The following NMD3 variants were observed in gnomAD, a reference collection of about 807,000 sequenced individuals.
NMD3 encodes the protein NMD3 ribosome export adaptor, also known as 60S ribosomal export protein NMD3.
A neutral mutation model predicts 73.1 loss-of-function variants in NMD3; 47 were observed. The observed-to-expected ratio is 0.64, with a 90% confidence interval of 0.51 to 0.82. The LOEUF (loss-of-function observed/expected upper bound fraction) is 0.82. Among genes scored for constraint, NMD3 ranks in the 40% least tolerant of loss-of-function variants. NMD3 has a pLI of 0.00. For synonymous variants in NMD3, 210 were observed against 194.5 expected, an observed-to-expected ratio of 1.08 and a Z score of -0.66; for missense variants, 554 against 612.5, an observed-to-expected ratio of 0.90 and a Z score of 1.01.
At chr3:161,238,897 G>A in intron 9 of NMD3, 71 bp downstream of exon 9, 1 of 719,232 alleles carries the variant, frequency 1.4e-6, no homozygotes, top group Non-Finnish European at 2.3e-6. Context: ...TATGTAATTT[G>A]TAGCTCCTGG....
In NMD3 at chr3:161,251,986, A is replaced by T. The variant is rs1426191847; in HGVS notation, c.*1076A>T. 1.3e-5 allele frequency: 2 copies of T among 152,224 alleles called. No individual in the cohort carries two copies. Among genetic ancestry groups the T allele is most frequent in the Non-Finnish European group, 2.9e-5 (2 of 68,036 alleles). The allele number at this position is 152,224 out of a possible 1,614,324, so 9.4% of individuals were successfully genotyped here. On this transcript the variant is annotated 3_prime_UTR_variant, in exon 16 of 16. Transcript: ENST00000351193. Reference sequence around the variant, plus strand: ...TTCATTCATTCCATGTGTGCCACTAAATAAAGAGATTGAGCAAGTGCCACT... The same window carrying T: ...TTCATTCATTCCATGTGTGCCACTATATAAAGAGATTGAGCAAGTGCCACT...
At chr3:161,227,437 A>ATTTTTTTTTTTTTTTTTTTTTTTTTT (rs55825529) in intron 4 of NMD3, 94 bp downstream of exon 4, 2 of 324,472 alleles carry the variant, frequency 6.2e-6, no homozygotes, top group Non-Finnish European at 5.4e-6. Context: ...TTCAAAAGGA[A>ATTTTTTTTTTTTTTTTTTTTTTTTTT]TTTTTTTTTT....
In NMD3 at chr3:161,250,791, C is replaced by T; in HGVS notation, c.1393C>T (p.Pro465Ser). 6.2e-7 allele frequency: 1 copy of T among 1,606,056 alleles called. No individual in the cohort carries two copies. The highest frequency in any genetic ancestry group is 8.5e-7 in the Non-Finnish European group (1 of 1,173,926). The change falls in exon 16 of 16, where the codon CCT becomes TCT. Residue 465 changes from proline to serine, a missense_variant. Transcript: ENST00000351193. ...TTGTATTTTTTTAGATTCAGCCATC[C>T]CTGTGGAAAGTGACACCGATGATGA... Reference protein sequence around the residue: ...NVNIYRDSAIPVESDTDDEGA... With the variant: ...NVNIYRDSAISVESDTDDEGA...
intron 1 of NMD3, 31 bp from the exon 2 acceptor site, chr3:161,221,956 CTCTTTTT>C: frequency 1.9e-6 from 2 of 1,029,932 alleles, no homozygotes; most frequent in South Asian, 1.5e-5. Flanking sequence ...TCCCAACATT[CTCTTTTT>C]TTTTTTTTTT....
At chr3:161,246,244 A>G (rs1470084484) in intron 11 of NMD3, 92 bp from the exon 12 acceptor site, 3 of 488,240 alleles carry the variant, frequency 6.1e-6, no homozygotes, top group African/African-American at 5.9e-5. Flanking sequence ...AAAATTAGAA[A>G]ACCAAAAATC....
chr3:161,250,890 G>C lies in NMD3; in HGVS notation c.1492G>C (p.Gly498Arg), dbSNP rs768990062. The change falls in exon 16 of 16, where the codon GGT becomes CGT. Residue 498 changes from glycine to arginine, a missense_variant. By Grantham distance (125) the Gly-to-Arg change is moderately radical. Coordinates refer to ENST00000351193, the MANE Select transcript of NMD3 (RefSeq NM_015938.5). ...HISQDATGEE[G>R]ASMLT Reference sequence around the variant, plus strand: ...TTCCCAAGATGCCACTGGTGAAGAAGGTGCATCAATGCTGACATAATGAGA... The same window carrying C: ...TTCCCAAGATGCCACTGGTGAAGAACGTGCATCAATGCTGACATAATGAGA... 4.3e-6 allele frequency: 7 copies of C among 1,612,174 alleles called. No individual in the cohort carries two copies. In the South Asian group the frequency reaches 7.7e-5, roughly 18 times the overall value.
At chr3:161,225,203 A>G (rs1425494141) in intron 3 of NMD3, 139 bp downstream of exon 3, 2 of 923,840 alleles carry the variant, frequency 2.2e-6, no homozygotes, top group Admixed American at 3.0e-5. Context: ...GGTGTCGCCA[A>G]AGATTTTAGA....
At chr3:161,234,183 G>C (rs1159663032) in intron 5 of NMD3, among the ~76,000 whole-genome samples, 1 of 151,756 alleles carries the variant, frequency 6.6e-6, no homozygotes, top group East Asian at 1.9e-4. Flanking sequence ...ACATGTATAG[G>C]CTGGGCATGG....
At chr3:161,225,388 T>A (rs1736273847) in intron 3 of NMD3, among the ~76,000 whole-genome samples, 2 of 152,178 alleles carry the variant, frequency 1.3e-5, no homozygotes, top group African/African-American at 4.8e-5. Context: ...ATTGTTATTA[T>A]GAGGTTTTTT....
intron 9 of NMD3, among the ~76,000 whole-genome samples, chr3:161,240,696 AAT>A (rs34371992): frequency 0.31 from 46,418 of 149,408 alleles, 7,478 homozygotes; most frequent in East Asian, 0.53. Context: ...GGCTAATTAA[AAT>A]ATATATATAT....
intron 8 of NMD3, 124 bp downstream of exon 8, chr3:161,238,315 C>T: frequency 1.4e-6 from 1 of 690,194 alleles, no homozygotes; most frequent in Non-Finnish European, 2.5e-6. Context: ...CTTACACAAT[C>T]AGGAAGCATA....
intron 4 of NMD3, among the ~76,000 whole-genome samples, chr3:161,229,250 T>C (rs746626341): frequency 1.3e-5 from 2 of 152,168 alleles, no homozygotes; most frequent in Non-Finnish European, 1.5e-5. Context: ...ACATGACTTA[T>C]TAGTATTCCT....
rs1425864358 is a variant in NMD3, at chr3:161,250,340, G to A, written c.1381+14G>A. On this transcript the variant is annotated intron_variant, in intron 15 of 15. Coordinates refer to ENST00000351193, the MANE Select transcript of NMD3 (RefSeq NM_015938.5). Reference sequence around the variant, plus strand: ...ACATTTACAGAGGTTGGTGTTCTAGGAGTGTTTAAGTCATTTGTTCTGTAT... The same window carrying A: ...ACATTTACAGAGGTTGGTGTTCTAGAAGTGTTTAAGTCATTTGTTCTGTAT... 3 of 1,519,226 alleles carry A rather than the reference G, an allele frequency of 2.0e-6. No individual in the cohort carries two copies. The highest frequency in any genetic ancestry group is 2.7e-6 in the Non-Finnish European group (3 of 1,096,454). The allele number at this position is 1,519,226 out of a possible 1,614,324, so 94.1% of individuals were successfully genotyped here. A position where few individuals can be genotyped will look rare whatever the true frequency, so the allele number is the denominator to read the frequency against.
chr3:161,250,662 C>G, intron 15 of NMD3, 118 bp from the exon 16 acceptor site: 1 of 645,764 alleles, frequency 1.5e-6, no homozygotes. Context: ...GCTTCTGATA[C>G]AATGTAGTTA....
At chr3:161,224,807 T>A in intron 2 of NMD3, 123 bp from the exon 3 acceptor site, 1 of 992,700 alleles carries the variant, frequency 1.0e-6, no homozygotes, top group Non-Finnish European at 1.4e-6. Flanking sequence ...TTTCTGTTAT[T>A]TTTTTGAAAA....
intron 7 of NMD3, among the ~76,000 whole-genome samples, chr3:161,235,530 A>G (rs1736723115): frequency 6.6e-6 from 1 of 152,076 alleles, no homozygotes; most frequent in Non-Finnish European, 1.5e-5. Context: ...TTTCTGTTTG[A>G]TACATATGCA....
At chr3:161,226,873 G>T (rs896773786) in intron 3 of NMD3, among the ~76,000 whole-genome samples, 1 of 152,138 alleles carries the variant, frequency 6.6e-6, no homozygotes, top group African/African-American at 2.4e-5. Context: ...AAAATAAGCA[G>T]TTCTCAGGCA....
intron 3 of NMD3, among the ~76,000 whole-genome samples, chr3:161,226,133 A>T (rs777782866): frequency 1.3e-5 from 2 of 151,994 alleles, no homozygotes; most frequent in Non-Finnish European, 2.9e-5. Flanking sequence ...TTATTAGGTG[A>T]TATGTGAAGC....
rs748443883 is a variant in NMD3 at position 161,221,988 on chromosome 3, T to TTTA, written c.-20-6_-20-5insTTA. 2.1e-3 allele frequency: 2,517 copies of TTTA among 1,191,148 alleles called. 110 individuals carry two copies. The African/African-American group carries it at 0.025, about 12-fold the overall frequency. The allele number at this position is 1,191,148 out of a possible 1,614,324, so 73.8% of individuals were successfully genotyped here. A position where few individuals can be genotyped will look rare whatever the true frequency, so the allele number is the denominator to read the frequency against. On this transcript the variant is annotated splice_region_variant and splice_polypyrimidine_tract_variant and intron_variant, in intron 1 of 15. Transcript: ENST00000351193. The stretch of plus-strand genomic sequence containing the variant: ...TTTTTTTTTTTTTTTTTTTTTTTTT[T>TTTA]AAAAGAACTTAAGGCATACAGAACG...
Sources: gnomAD v4.1 joint callset for allele counts (sites outside exome capture counted in the v4.1 genomes callset) on GRCh38, gnomAD v4.1.1 for gene constraint, MANE v1.5 for transcripts, NCBI Gene and HGNC (gene_info 2026-07-23, HGNC 2026-07-21) for gene names.